KIF5C: variants seen among roughly 807,000 people sequenced by gnomAD.
KIF5C encodes the protein kinesin heavy chain isoform 5C.
In KIF5C, 18 loss-of-function variants were observed where a neutral mutation model predicts 125.2. That is an observed-to-expected ratio of 0.14 (90% CI 0.10 to 0.21). The LOEUF (loss-of-function observed/expected upper bound fraction) is 0.21, where lower values mean the gene tolerates loss of function less well. Among genes scored for constraint, KIF5C ranks in the 10% least tolerant of loss-of-function variants. The pLI is 1.00. For synonymous variants in KIF5C, 405 were observed against 434.0 expected, an observed-to-expected ratio of 0.93 and a Z score of 0.83; for missense variants, 780 against 1,183.8, an observed-to-expected ratio of 0.66 and a Z score of 5.01.
intron 11 of KIF5C, among the ~76,000 whole-genome samples, chr2:148,965,201 A>G (rs193274885): frequency 6.6e-6 from 1 of 152,180 alleles, no homozygotes; most frequent in East Asian, 1.9e-4. Flanking sequence ...TTATTCAGAT[A>G]AGAAGTTAGG....
chr2:148,967,935 T>C (rs1312962850), intron 11 of KIF5C, among the ~76,000 whole-genome samples: 1 of 152,146 alleles, frequency 6.6e-6, no homozygotes, highest in Non-Finnish European at 1.5e-5. Flanking sequence ...TCCCAATCCA[T>C]CAGGAAAACT....
intron 19 of KIF5C, chr2:149,000,222 C>T: frequency 1.9e-6 from 1 of 533,838 alleles, no homozygotes; most frequent in Non-Finnish European, 3.2e-6. Context: ...TGTTTCATGA[C>T]TCTTAGATGC....
intron 17 of KIF5C, 31 bp from the exon 18 acceptor site, chr2:148,997,233 G>T (rs1224876975): frequency 4.4e-6 from 7 of 1,606,436 alleles, no homozygotes; most frequent in Non-Finnish European, 6.0e-6. Context: ...CACCAGTTAA[G>T]TCTTAAATCA....
chr2:149,001,910 C>A (rs1169454868), intron 21 of KIF5C, among the ~76,000 whole-genome samples: 1 of 152,198 alleles, frequency 6.6e-6, no homozygotes, highest in African/African-American at 2.4e-5. Context: ...TTGGGTCTGG[C>A]CCTGAGATTG....
At position 148,998,387 on chromosome 2, in the gene KIF5C, G is replaced by A. The variant is rs1003366762; in HGVS notation, c.2101-13G>A. The A allele has an allele frequency of 1.3e-6, 2 of 1,555,772 alleles. No individual in the cohort carries two copies. Among genetic ancestry groups the A allele is most frequent in the Non-Finnish European group, 1.7e-6 (2 of 1,149,166 alleles). On this transcript the variant is annotated splice_polypyrimidine_tract_variant and intron_variant, in intron 18 of 25. Transcript: ENST00000435030. ...ACGAGTAGATGACATGTTTCTCTTGGCCTGGGATGCAGAAGGCGCTGGAGC... is the reference window on the plus strand; with the variant it reads ...ACGAGTAGATGACATGTTTCTCTTGACCTGGGATGCAGAAGGCGCTGGAGC...
intron 1 of KIF5C, among the ~76,000 whole-genome samples, chr2:148,912,248 CAT>C (rs949630229): frequency 1.5e-4 from 23 of 152,328 alleles, no homozygotes; most frequent in Admixed American, 1.2e-3. Context: ...TCAAATTCCA[CAT>C]GTGTGTGGCC....
chr2:148,938,972 A>G (rs1362046081), intron 4 of KIF5C, among the ~76,000 whole-genome samples: 1 of 151,778 alleles, frequency 6.6e-6, no homozygotes, highest in Non-Finnish European at 1.5e-5. Flanking sequence ...GTGTGTGCCT[A>G]TAATCCCAGC....
At position 148,881,626 on chromosome 2, in the gene KIF5C, C is replaced by G. The variant is rs76823139; in HGVS notation, c.126+5883C>G. ...TCACCTGTGCTTGTCTGGCCCGACT[C>G]CCCTATTTAATGATGTTTTCCATTC... On this transcript the variant is annotated intron_variant, in intron 1 of 25. Transcript: ENST00000435030. Among the ~76,000 whole-genome samples the G allele has an allele frequency of 4.8e-3, 726 of 152,152 alleles. 9 individuals carry two copies. The highest frequency in any genetic ancestry group is 0.017 in the African/African-American group (701 of 41,508).
At chr2:148,986,776 T>C (rs1681391875) in intron 15 of KIF5C, among the ~76,000 whole-genome samples, 1 of 152,130 alleles carries the variant, frequency 6.6e-6, no homozygotes, top group Non-Finnish European at 1.5e-5. Flanking sequence ...AGTTCTAGAA[T>C]ATGACAGCTC....
chr2:148,945,393 T>A, intron 7 of KIF5C, among the ~76,000 whole-genome samples: 1 of 152,328 alleles, frequency 6.6e-6, no homozygotes, highest in African/African-American at 2.4e-5. Flanking sequence ...TTGAAAAGAC[T>A]GTTCTTTCCA....
intron 11 of KIF5C, 56 bp downstream of exon 11, chr2:148,962,175 AT>A (rs1010955146): frequency 4.3e-5 from 64 of 1,493,832 alleles, no homozygotes; most frequent in Middle Eastern, 2.1e-4. Context: ...TTTTATTTTT[AT>A]TTTTTTTGAG....
intron 16 of KIF5C, among the ~76,000 whole-genome samples, chr2:148,993,529 T>C (rs1681583133): frequency 6.6e-6 from 1 of 152,258 alleles, no homozygotes; most frequent in African/African-American, 2.4e-5. Flanking sequence ...GCTGAAATGC[T>C]ATCTTCTTTG....
intron 16 of KIF5C, among the ~76,000 whole-genome samples, chr2:148,991,950 T>C (rs764278379): frequency 3.3e-5 from 5 of 152,218 alleles, no homozygotes; most frequent in Admixed American, 1.3e-4. Context: ...ACCACTGATA[T>C]CTGAGCTTGG....
At chr2:148,954,041 C>T (rs2105119254) in intron 10 of KIF5C, among the ~76,000 whole-genome samples, 2 of 148,726 alleles carry the variant, frequency 1.3e-5, no homozygotes, top group East Asian at 4.0e-4. Context: ...GCCCCCCACC[C>T]CCCGACAGGC....
At chr2:148,953,078 G>A (rs1682705629) in intron 10 of KIF5C, among the ~76,000 whole-genome samples, 1 of 152,184 alleles carries the variant, frequency 6.6e-6, no homozygotes, top group Non-Finnish European at 1.5e-5. Context: ...GTTTTCAAAT[G>A]AAATAGGTCG....
At chr2:148,958,831 A>G (rs991959764) in intron 10 of KIF5C, among the ~76,000 whole-genome samples, 3 of 152,072 alleles carry the variant, frequency 2.0e-5, no homozygotes, top group African/African-American at 7.2e-5. Context: ...AAAATACAAA[A>G]AAATTAGCTG....
chr2:148,887,980 T>G (rs1681593285), intron 1 of KIF5C, among the ~76,000 whole-genome samples: 1 of 152,296 alleles, frequency 6.6e-6, no homozygotes, highest in South Asian at 2.1e-4. Context: ...CAGCAAGGGC[T>G]GCGACCCCGC....
rs749982112 is a variant in KIF5C, at chr2:148,946,942, A to C, written c.633A>C (p.Ile211=). The C allele has an allele frequency of 5.6e-6, 9 of 1,613,356 alleles. No individual in the cohort carries two copies. The highest frequency in any genetic ancestry group is 5.0e-5 in the Admixed American group (3 of 59,862). The change falls in exon 8 of 26, where the codon ATA becomes ATC. Residue 211 remains isoleucine, a synonymous_variant. Coordinates refer to ENST00000435030, the MANE Select transcript of KIF5C (RefSeq NM_004522.3). ...CTAGAAGTCACAGTATCTTCCTGAT[A>C]AATATTAAACAAGAGAATGTAGAGA... ...HSSRSHSIFL[I]NIKQENVETE... is the part of the protein sequence containing the mutation.
chr2:148,908,916 AT>A (rs1435841777), intron 1 of KIF5C, among the ~76,000 whole-genome samples: 2 of 152,242 alleles, frequency 1.3e-5, no homozygotes, highest in African/African-American at 4.8e-5. Flanking sequence ...TGTTATCTAC[AT>A]GATGAGGCCA....
Sources: allele counts gnomAD v4.1 joint callset (sites outside exome capture counted in the v4.1 genomes callset), GRCh38; gene constraint gnomAD v4.1.1; transcripts MANE v1.5; gene names NCBI Gene and HGNC (gene_info 2026-07-23, HGNC 2026-07-21).